Variants in FBXO16 observed in about 807,000 individuals in gnomAD.
The protein encoded by FBXO16 is F-box only protein 16.
In FBXO16, 31 loss-of-function variants were observed where a neutral mutation model predicts 41.0. The observed-to-expected ratio is 0.76, with a 90% CI of 0.57 to 1.02. FBXO16 has a LOEUF of 1.02. Among genes scored for constraint, FBXO16 ranks in the 50% least tolerant of loss-of-function variants. The pLI is 0.00. For synonymous variants in FBXO16, 133 were observed against 117.8 expected (o/e 1.13, Z -0.84); for missense variants, 361 against 346.2 (o/e 1.04, Z -0.34).
At chr8:28,474,489 A>G (rs1803392619) in intron 2 of FBXO16, among the ~76,000 whole-genome samples, 1 of 152,114 alleles carries the variant, frequency 6.6e-6, no homozygotes, top group Non-Finnish European at 1.5e-5. Context: ...AAAACTAACG[A>G]AAAAACAGGA....
intron 7 of FBXO16, among the ~76,000 whole-genome samples, chr8:28,434,779 G>A (rs891005597): frequency 6.0e-5 from 9 of 150,974 alleles, no homozygotes; most frequent in African/African-American, 9.9e-5. Flanking sequence ...GGGAGCATGC[G>A]AGTGAGTGAG....
chr8:28,433,412 G>A (rs969019009), intron 7 of FBXO16, among the ~76,000 whole-genome samples: 4 of 152,174 alleles, frequency 2.6e-5, no homozygotes, highest in South Asian at 2.1e-4. Flanking sequence ...CCTGGGCTCC[G>A]GGCCCATCTA....
intron 2 of FBXO16, among the ~76,000 whole-genome samples, chr8:28,479,631 T>A (rs1304062365): frequency 6.6e-6 from 1 of 152,236 alleles, no homozygotes; most frequent in Non-Finnish European, 1.5e-5. Context: ...GGGAAGCAGA[T>A]AAACTGTTAT....
chr8:28,473,781 A>T lies in FBXO16; in HGVS notation c.126T>A (p.Leu42=). The change falls in exon 3 of 9, where the codon CTT becomes CTA. Residue 42 remains leucine (L), a synonymous_variant. Coordinates refer to ENST00000380254, the MANE Select transcript of FBXO16 (RefSeq NM_172366.4). ...ATTTTTAAATGTTTACCCATTTGCC[A>T]AGCAGGGCTCTTCTTTCTTCAAATA... The part of the protein sequence containing the change: ...DRVFEERRAL[L]GKWFDKWTDS... 1 of 1,603,490 alleles carries T rather than the reference A, an allele frequency of 6.2e-7. No homozygotes were observed. Among genetic ancestry groups the T allele is most frequent in the Non-Finnish European group, 8.5e-7 (1 of 1,172,590 alleles).
chr8:28,490,076 TGA>T lies in FBXO16; in HGVS notation c.-17+108_-17+109del, dbSNP rs1267923152. On this transcript the variant is annotated intron_variant, in intron 1 of 8. Transcript: ENST00000380254. ...TCTGGCGGTTGCACTGTAGCCCAAATGAGAGGGCACAATGAAATCCCCAAGAG... is the reference window on the plus strand; with the variant it reads ...TCTGGCGGTTGCACTGTAGCCCAAATGAGGGCACAATGAAATCCCCAAGAG... 2 of 152,188 alleles carry T rather than the reference TGA, an allele frequency of 1.3e-5. 1 individual carries two copies. Among genetic ancestry groups the T allele is most frequent in the Middle Eastern group, 6.3e-3 (2 of 316 alleles). 9.4% of individuals were successfully genotyped at this position (152,188 alleles called of 1,614,324 possible).
At chr8:28,466,526 T>A (rs1409949284) in intron 3 of FBXO16, among the ~76,000 whole-genome samples, 1 of 151,806 alleles carries the variant, frequency 6.6e-6, no homozygotes, top group Non-Finnish European at 1.5e-5. Flanking sequence ...GCGCGGTGGC[T>A]CACACCTGTA....
intron 6 of FBXO16, among the ~76,000 whole-genome samples, chr8:28,450,382 A>G (rs967120555): frequency 2.6e-5 from 4 of 152,210 alleles, no homozygotes; most frequent in Non-Finnish European, 4.4e-5. Flanking sequence ...GAAAATATAC[A>G]GGAAAATTGC....
At chr8:28,445,131 T>G (rs1483204931) in intron 7 of FBXO16, among the ~76,000 whole-genome samples, 1 of 152,090 alleles carries the variant, frequency 6.6e-6, no homozygotes, top group African/African-American at 2.4e-5. Flanking sequence ...ATGCTCTTTA[T>G]CAAAACTACG....
At position 28,436,766 on chromosome 8, in the gene FBXO16, A is replaced by T. The variant is rs116309086; in HGVS notation, c.844-7363T>A. On this transcript the variant is annotated intron_variant, in intron 7 of 8. Transcript: ENST00000380254. Reference sequence around the variant, plus strand: ...ATATCTTATTTTATGTTATATATATATTTTTAAGACAGGGTCTCACTGTCA... The same window carrying T: ...ATATCTTATTTTATGTTATATATATTTTTTTAAGACAGGGTCTCACTGTCA... 8.9e-3 allele frequency among the ~76,000 whole-genome samples: 1,352 copies of T among 152,202 alleles called. 16 individuals are homozygous for T. The highest frequency in any genetic ancestry group is 0.03 in the African/African-American group (1,235 of 41,524).
intron 6 of FBXO16, among the ~76,000 whole-genome samples, chr8:28,451,180 G>A (rs536407034): frequency 4.6e-5 from 7 of 152,184 alleles, no homozygotes; most frequent in African/African-American, 1.7e-4. Context: ...AAGATCCAAG[G>A]CTGTTTCACA....
intron 7 of FBXO16, among the ~76,000 whole-genome samples, chr8:28,435,709 A>C (rs1802677766): frequency 6.6e-6 from 1 of 152,164 alleles, no homozygotes; most frequent in African/African-American, 2.4e-5. Context: ...AAAACCGATT[A>C]GGAAAGGGTA....
At chr8:28,487,851 CTTT>C (rs543323414) in intron 1 of FBXO16, among the ~76,000 whole-genome samples, 1 of 143,400 alleles carries the variant, frequency 7.0e-6, no homozygotes, top group Admixed American at 7.0e-5. Context: ...ATCTTTTTTT[CTTT>C]TTTTTTTTTT....
intron 7 of FBXO16, among the ~76,000 whole-genome samples, chr8:28,433,358 T>C (rs1304847521): frequency 6.6e-6 from 1 of 152,250 alleles, no homozygotes; most frequent in African/African-American, 2.4e-5. Flanking sequence ...AATCAGCGCC[T>C]GAATCTTCCA....
chr8:28,467,088 A>T (rs1289371632), intron 3 of FBXO16, among the ~76,000 whole-genome samples: 1 of 152,092 alleles, frequency 6.6e-6, no homozygotes, highest in African/African-American at 2.4e-5. Flanking sequence ...ATGTGCTACC[A>T]CATCTGGCCT....
At chr8:28,438,395 G>C (rs771010258) in intron 7 of FBXO16, among the ~76,000 whole-genome samples, 2 of 152,140 alleles carry the variant, frequency 1.3e-5, no homozygotes, top group Non-Finnish European at 2.9e-5. Flanking sequence ...AAGAGAAATG[G>C]GGACGGTCAA....
In FBXO16 at chr8:28,429,450, GA is replaced by G. The variant is rs762945948; in HGVS notation, c.844-48del. ...AAGAGAATGGAGAGAGGAAAAGAAA[GA>G]AATAATCCGAGCTGAGCTTGAAGGG... is the stretch of plus-strand genomic sequence containing the variant. On this transcript the variant is annotated intron_variant, in intron 7 of 8. Transcript: ENST00000380254. 19 of 1,609,076 alleles carry G rather than the reference GA, an allele frequency of 1.2e-5. No homozygotes were observed. The East Asian group carries it at 4.2e-4, about 36-fold the overall frequency.
intron 3 of FBXO16, among the ~76,000 whole-genome samples, chr8:28,472,138 G>T (rs540243708): frequency 6.6e-6 from 1 of 152,236 alleles, no homozygotes; most frequent in Admixed American, 6.5e-5. Flanking sequence ...CTGTTGCCCA[G>T]GCTGGAGTGC....
chr8:28,488,854 T>A lies in FBXO16; in HGVS notation c.-17+1332A>T, dbSNP rs7018103. Reference sequence around the variant, plus strand: ...CATGATTTTACCTCCATCTACTCTTTCAGTCTCACCTGGCCCCACCTTCAT... The same window carrying A: ...CATGATTTTACCTCCATCTACTCTTACAGTCTCACCTGGCCCCACCTTCAT... On this transcript the variant is annotated intron_variant, in intron 1 of 8. Transcript: ENST00000380254. Among the ~76,000 whole-genome samples the A allele has an allele frequency of 3.4e-3, 515 of 152,276 alleles. 2 individuals carry two copies. Among genetic ancestry groups the A allele is most frequent in the African/African-American group, 0.011 (477 of 41,554 alleles).
intron 2 of FBXO16, among the ~76,000 whole-genome samples, chr8:28,474,316 C>CAAAAAAAAAAAAAAAAA: frequency 7.1e-5 from 4 of 56,656 alleles, no homozygotes; most frequent in South Asian, 7.0e-4. Context: ...CAGACCCTGT[C>CAAAAAAAAAAAAAAAAA]AAAAAAAAAA....
Sources: gnomAD v4.1 joint callset for allele counts (sites outside exome capture counted in the v4.1 genomes callset) on GRCh38, gnomAD v4.1.1 for gene constraint, MANE v1.5 for transcripts, NCBI Gene and HGNC (gene_info 2026-07-23, HGNC 2026-07-21) for gene names.